The following IPO5 variants were observed in gnomAD, a reference collection of about 807,000 sequenced individuals.
IPO5 encodes importin-5.
IPO5 carries 18 observed loss-of-function variants against 143.3 expected under a neutral mutation model. That is an observed-to-expected ratio of 0.13 (90% CI 0.09 to 0.19). The LOEUF is 0.19. Ranked by LOEUF, IPO5 falls within the 10% of genes least tolerant of loss-of-function variation. IPO5 has a pLI of 1.00. For synonymous variants in IPO5, 477 were observed against 465.7 expected (o/e 1.02, Z -0.31); for missense variants, 1,013 against 1,336.9 (o/e 0.76, Z 3.78).
chr13:98,021,819 G>T lies in IPO5; in HGVS notation c.3291G>T (p.Ala1097=), dbSNP rs191710256. Residue 1097 remains alanine (A), a synonymous_variant, in exon 29 of 29, where the codon GCG becomes GCT. Coordinates refer to ENST00000651721, the MANE Select transcript of IPO5 (RefSeq NM_002271.6). ...QAAIQELLNS[A] The stretch of plus-strand genomic sequence containing the variant: ...CCATTCAGGAGCTCCTGAACTCTGC[G>T]TGAAGGGCCTTAATGTCACCCACCA... The T allele has an allele frequency of 6.3e-7, 1 of 1,598,346 alleles. No individual in the cohort carries two copies. The highest frequency in any genetic ancestry group is 8.6e-7 in the Non-Finnish European group (1 of 1,167,870).
intron 3 of IPO5, among the ~76,000 whole-genome samples, chr13:97,973,238 G>T (rs879400309): frequency 6.6e-6 from 1 of 151,856 alleles, no homozygotes; most frequent in Non-Finnish European, 1.5e-5. Flanking sequence ...AGTAGAGACG[G>T]GGTCTCGCCC....
chr13:98,010,067 T>G (rs764662052), intron 19 of IPO5, 36 bp from the exon 20 acceptor site: 4 of 1,613,430 alleles, frequency 2.5e-6, no homozygotes, highest in Non-Finnish European at 3.4e-6. Context: ...TTTGTTATTA[T>G]TTTTCATATG....
rs1454520280 is a variant in IPO5 at position 98,021,740 on chromosome 13, C to G, written c.3212C>G (p.Ser1071Cys). ...TGAAAATGTTTCTTTCCCTAGACTTCTGGAGGACTGTGGACTGAGTGCATA... is the reference window on the plus strand; with the variant it reads ...TGAAAATGTTTCTTTCCCTAGACTTGTGGAGGACTGTGGACTGAGTGCATA... The part of the protein sequence containing the change: ...LANVVRQVQT[S>C]GGLWTECIAQ... The change falls in exon 29 of 29, where the codon TCT (serine) becomes TGT (cysteine). Residue 1071 changes from serine to cysteine, a missense_variant. Ser to Cys is a moderately radical substitution (Grantham distance 112). This residue lies in a region of IPO5 where 685 missense variants were observed against 994.9 expected (regional missense o/e 0.69). Coordinates refer to ENST00000651721, the MANE Select transcript of IPO5 (RefSeq NM_002271.6). 6.5e-6 allele frequency: 10 copies of G among 1,546,652 alleles called. No homozygotes were observed. Among genetic ancestry groups the G allele is most frequent in the Non-Finnish European group, 8.8e-6 (10 of 1,133,584 alleles).
intron 6 of IPO5, chr13:97,987,132 C>A: frequency 5.9e-6 from 1 of 168,408 alleles, no homozygotes; most frequent in South Asian, 1.8e-4. Context: ...CATGAAGATC[C>A]AACAGGGCCT....
chr13:97,998,626 G>C (rs9554436), intron 12 of IPO5, among the ~76,000 whole-genome samples: 1 of 152,180 alleles, frequency 6.6e-6, no homozygotes, highest in Non-Finnish European at 1.5e-5. Flanking sequence ...CTGTGCAGTA[G>C]TAATGATGGC....
At chr13:98,003,772 G>A (rs1402173665) in intron 16 of IPO5, among the ~76,000 whole-genome samples, 3 of 152,002 alleles carry the variant, frequency 2.0e-5, no homozygotes, top group African/African-American at 4.8e-5. Context: ...ACTTGAACCC[G>A]GGAGGCAGAG....
Position 98,006,313 on chromosome 13 carries a change from A to G in IPO5, c.1681A>G (p.Ile561Val). The stretch of plus-strand genomic sequence containing the variant: ...TCTGAGAGGAAAAACTATTGAATGC[A>G]TTAGCCTCATTGGTCTGGCTGTTGG... ...RLLRGKTIEC[I>V]SLIGLAVGKE... The change falls in exon 17 of 29, where the codon ATT becomes GTT. Residue 561 changes from isoleucine (I) to valine (V), a missense_variant. Physicochemically the swap from Ile to Val is conservative, Grantham distance 29. Transcript: ENST00000651721. 2 of 1,585,038 alleles carry G rather than the reference A, an allele frequency of 1.3e-6. No homozygotes were observed. The highest frequency in any genetic ancestry group is 8.6e-7 in the Non-Finnish European group (1 of 1,165,720).
chr13:97,985,915 C>G (rs1031824542), intron 6 of IPO5, among the ~76,000 whole-genome samples: 1 of 152,018 alleles, frequency 6.6e-6, no homozygotes, highest in African/African-American at 2.4e-5. Context: ...TTGAGTCTAG[C>G]AGTTCAGGAC....
intron 20 of IPO5, among the ~76,000 whole-genome samples, chr13:98,010,438 T>G (rs979395606): frequency 6.6e-6 from 1 of 152,152 alleles, no homozygotes; most frequent in African/African-American, 2.4e-5. Flanking sequence ...TAGCCCAAAT[T>G]CCTGTTAGTG....
intron 28 of IPO5, chr13:98,021,420 A>C (rs1372469183): frequency 1.1e-5 from 4 of 354,630 alleles, no homozygotes; most frequent in African/African-American, 2.1e-5. Flanking sequence ...AAAAAAAACA[A>C]GATTTAATAA....
chr13:98,021,790 G>A lies in IPO5; in HGVS notation c.3262G>A (p.Ala1088Thr). The A allele has an allele frequency of 1.2e-6, 2 of 1,606,100 alleles. No individual in the cohort carries two copies. Among genetic ancestry groups the A allele is most frequent in the Non-Finnish European group, 1.7e-6 (2 of 1,173,960 alleles). Residue 1088 changes from alanine to threonine, a missense_variant, in exon 29 of 29, where the codon GCC becomes ACC. By Grantham distance (58) the Ala-to-Thr change is moderately conservative. Coordinates refer to ENST00000651721, the MANE Select transcript of IPO5 (RefSeq NM_002271.6). ...AGCACAGCTCAGTCCTGAGCAGCAG[G>A]CCGCCATTCAGGAGCTCCTGAACTC... is the stretch of plus-strand genomic sequence containing the variant. ...CIAQLSPEQQAAIQELLNSA is the reference protein window; with the variant it reads ...CIAQLSPEQQTAIQELLNSA
intron 3 of IPO5, among the ~76,000 whole-genome samples, chr13:97,970,778 T>C (rs1181724168): frequency 3.3e-5 from 5 of 152,176 alleles, no homozygotes; most frequent in Admixed American, 2.0e-4. Flanking sequence ...TCAAACTTGA[T>C]TTTTTTCTTA....
At chr13:98,003,144 A>G (rs1298586383) in intron 16 of IPO5, 107 bp downstream of exon 16, 3 of 882,736 alleles carry the variant, frequency 3.4e-6, no homozygotes, top group Non-Finnish European at 5.3e-6. Context: ...CATAAAGAAT[A>G]TAAAGTACAA....
chr13:97,982,753 A>T (rs981923052), intron 5 of IPO5, among the ~76,000 whole-genome samples, 170 bp downstream of exon 5: 4 of 152,192 alleles, frequency 2.6e-5, no homozygotes, highest in African/African-American at 9.7e-5. Flanking sequence ...TAATTTTTTG[A>T]AGTACTTTGT....
chr13:97,953,869 C>A (rs1884278062), intron 1 of IPO5, 153 bp downstream of exon 1: 1 of 455,040 alleles, frequency 2.2e-6, no homozygotes. Context: ...CACAGTCATA[C>A]CCAAGAGGAA....
At chr13:98,006,939 C>T (rs1400014609) in intron 17 of IPO5, among the ~76,000 whole-genome samples, 1 of 148,910 alleles carries the variant, frequency 6.7e-6, no homozygotes, top group African/African-American at 2.5e-5. Context: ...GATCCTGGCT[C>T]ACTGCAACCT....
chr13:98,003,741 C>T (rs1410469799), intron 16 of IPO5, among the ~76,000 whole-genome samples: 1 of 151,564 alleles, frequency 6.6e-6, no homozygotes, highest in African/African-American at 2.4e-5. Context: ...TCCAGCTACT[C>T]GGGAGGCTAA....
intron 4 of IPO5, among the ~76,000 whole-genome samples, chr13:97,980,826 CAAAAAAAA>C (rs374921610): frequency 1.8e-5 from 2 of 108,802 alleles, no homozygotes; most frequent in South Asian, 3.0e-4. Flanking sequence ...GACTCTATCT[CAAAAAAAA>C]AAAAAAAAAA....
At chr13:97,996,329 G>A (rs1258107525) in intron 11 of IPO5, among the ~76,000 whole-genome samples, 1 of 152,188 alleles carries the variant, frequency 6.6e-6, no homozygotes, top group African/African-American at 2.4e-5. Context: ...GGGATAACAG[G>A]TGTGCACCAG....
Sources: gnomAD v4.1 joint callset for allele counts (sites outside exome capture counted in the v4.1 genomes callset) on GRCh38, gnomAD v4.1.1 for gene constraint, gnomAD v4.1.1 regional missense constraint, MANE v1.5 for transcripts, NCBI Gene and HGNC (gene_info 2026-07-23, HGNC 2026-07-21) for gene names.